ARID1B: variants seen among roughly 807,000 people sequenced by gnomAD.
ARID1B encodes the protein AT-rich interactive domain-containing protein 1B.
Under a neutral mutation model 212.3 loss-of-function variants are expected in ARID1B, and 30 were observed. The ratio of observed to expected loss-of-function variants is 0.14; its 90% CI spans 0.11 to 0.19. The LOEUF is 0.19. ARID1B is among the 10% of genes least tolerant of loss of function. The pLI is 1.00. For missense variants in ARID1B, 2,891 were observed against 3,204.0 expected (o/e 0.90, Z 2.36); for synonymous variants, 1,402 against 1,301.7 (o/e 1.08, Z -1.66).
At position 157,095,264 on chromosome 6, in the gene ARID1B, A is replaced by T. The variant is rs141264615; in HGVS notation, c.2491+10359A>T. Among the ~76,000 whole-genome samples the T allele has an allele frequency of 1.3e-3, 193 of 152,310 alleles. No homozygotes were observed. The Middle Eastern group carries it at 0.044, about 35-fold the overall frequency. Reference sequence around the variant, plus strand: ...AGGTCAGTGCTCCTCAGCACTCGCCACACAACATGCCTGGGAAAGGACCGG... The same window carrying T: ...AGGTCAGTGCTCCTCAGCACTCGCCTCACAACATGCCTGGGAAAGGACCGG... On this transcript the variant is annotated intron_variant, in intron 5 of 19. Transcript: ENST00000636930.
chr6:156,926,050 C>G (rs79149060), intron 3 of ARID1B, among the ~76,000 whole-genome samples: 2 of 152,298 alleles, frequency 1.3e-5, no homozygotes, highest in African/African-American at 4.8e-5. Context: ...CTCAAAGATT[C>G]AAGGTCCTTA....
intron 4 of ARID1B, among the ~76,000 whole-genome samples, chr6:156,981,754 T>C (rs1172443336): frequency 1.3e-5 from 2 of 152,294 alleles, no homozygotes; most frequent in East Asian, 1.9e-4. Flanking sequence ...ACTATACTTA[T>C]ACTGTAATAC....
intron 4 of ARID1B, among the ~76,000 whole-genome samples, chr6:156,995,140 C>G (rs1778513882): frequency 6.6e-6 from 1 of 152,200 alleles, no homozygotes; most frequent in Non-Finnish European, 1.5e-5. Flanking sequence ...GGGCTGTGCC[C>G]TCTTCTCCCG....
At chr6:157,184,144 A>T (rs1442088196) in intron 12 of ARID1B, 87 bp from the exon 13 acceptor site, 31 of 1,245,054 alleles carry the variant, frequency 2.5e-5, no homozygotes, top group Non-Finnish European at 3.4e-5. Flanking sequence ...AGAAAAGTCA[A>T]CCAAGACATT....
chr6:156,879,045 C>T (rs1382413400), intron 2 of ARID1B, among the ~76,000 whole-genome samples: 1 of 152,216 alleles, frequency 6.6e-6, no homozygotes, highest in Non-Finnish European at 1.5e-5. Context: ...GGAACTACAG[C>T]TTCTGACTCC....
At chr6:156,964,950 T>C (rs555563328) in intron 4 of ARID1B, among the ~76,000 whole-genome samples, 5 of 152,332 alleles carry the variant, frequency 3.3e-5, no homozygotes, top group African/African-American at 1.2e-4. Context: ...TGTGTTAATC[T>C]CAAAGCCGCA....
intron 4 of ARID1B, among the ~76,000 whole-genome samples, chr6:156,958,292 A>G (rs1490586274): frequency 6.6e-6 from 1 of 152,194 alleles, no homozygotes; most frequent in Non-Finnish European, 1.5e-5. Flanking sequence ...ACCCCCTTTA[A>G]AAAGAAAGAA....
At chr6:156,966,381 C>CTTTTCTTTTCTTTT (rs1794743618) in intron 4 of ARID1B, among the ~76,000 whole-genome samples, 1 of 89,436 alleles carries the variant, frequency 1.1e-5, no homozygotes, top group African/African-American at 3.8e-5. Flanking sequence ...CTTTTCTTTT[C>CTTTTCTTTTCTTTT]TTTTCTTTTT....
chr6:157,142,479 G>T (rs55668896), intron 7 of ARID1B, among the ~76,000 whole-genome samples: 6,509 of 151,974 alleles, frequency 0.043, 205 homozygotes, highest in Non-Finnish European at 0.068. Flanking sequence ...TACAAAAATT[G>T]CCCTAGCATG....
chr6:157,060,698 T>C (rs2128404510), intron 4 of ARID1B, among the ~76,000 whole-genome samples: 1 of 137,928 alleles, frequency 7.3e-6, no homozygotes, highest in South Asian at 2.5e-4. Context: ...AGCCCGACCA[T>C]GCTGTCTTGG....
chr6:157,063,174 A>G (rs1312877573), intron 4 of ARID1B, among the ~76,000 whole-genome samples: 6 of 151,764 alleles, frequency 4.0e-5, no homozygotes, highest in Non-Finnish European at 2.9e-5. Flanking sequence ...TCAAGTTCCA[A>G]GGGAGAGAGG....
At position 157,201,504 on chromosome 6, in the gene ARID1B, C is replaced by G. The variant is rs1338029912; in HGVS notation, c.5263+16C>G. 2 of 1,492,266 alleles carry G rather than the reference C, an allele frequency of 1.3e-6. No homozygotes were observed. Among genetic ancestry groups the G allele is most frequent in the Admixed American group, 2.4e-5 (1 of 41,272 alleles). The allele number at this position is 1,492,266 out of a possible 1,614,324, so 92.4% of individuals were successfully genotyped here. ...AAAGATATCGGTAAGAATTCCAAAG[C>G]TTTCATTCTGAAATGAATTCCAGTT... On this transcript the variant is annotated intron_variant, in intron 18 of 19. Transcript: ENST00000636930. The surrounding 1 kb of genome is among the most constrained non-coding windows in gnomAD (Gnocchi z 5.2).
Position 156,777,879 on chromosome 6 carries a change from G to T in ARID1B, c.199G>T (p.Gly67Cys). ...MLGGGGDGGG[G>C]LNSVHHHPLL... is the part of the protein sequence containing the mutation. ...GGGGGGCGGCGGCGACGGCGGCGGC[G>T]GCCTGAACAGTGTGCACCACCACCC... The change falls in exon 1 of 20, where the codon GGC becomes TGC. Residue 67 changes from glycine to cysteine, a missense_variant. Physicochemically the swap from Gly to Cys is radical, Grantham distance 159. Transcript: ENST00000636930. 7.0e-7 allele frequency: 1 copy of T among 1,431,618 alleles called. No homozygotes were observed. The highest frequency in any genetic ancestry group is 2.9e-5 in the Admixed American group (1 of 34,766). The allele number at this position is 1,431,618 out of a possible 1,614,324, so 88.7% of individuals were successfully genotyped here.
At chr6:156,905,366 G>A (rs1449871993) in intron 3 of ARID1B, among the ~76,000 whole-genome samples, 3 of 152,144 alleles carry the variant, frequency 2.0e-5, no homozygotes, top group Non-Finnish European at 4.4e-5. Context: ...GTGGTAAGCC[G>A]ATGGTCTGAT....
At chr6:157,035,916 T>C (rs1583188499) in intron 4 of ARID1B, among the ~76,000 whole-genome samples, 1 of 152,348 alleles carries the variant, frequency 6.6e-6, no homozygotes, top group Middle Eastern at 3.4e-3. Flanking sequence ...AAGGGAAGAA[T>C]ACAATTTTGT....
At chr6:156,989,820 G>A (rs1281874882) in intron 4 of ARID1B, among the ~76,000 whole-genome samples, 1 of 152,072 alleles carries the variant, frequency 6.6e-6, no homozygotes, top group Admixed American at 6.5e-5. Flanking sequence ...GGCAGTAGCA[G>A]TGGTAGATGT....
intron 12 of ARID1B, among the ~76,000 whole-genome samples, chr6:157,181,934 A>C (rs1411338551): frequency 2.0e-5 from 3 of 152,204 alleles, no homozygotes; most frequent in Non-Finnish European, 2.9e-5. Context: ...AGCATAGATG[A>C]GAAAACTCCT....
At chr6:157,020,274 G>A (rs758548002) in intron 4 of ARID1B, among the ~76,000 whole-genome samples, 3 of 152,008 alleles carry the variant, frequency 2.0e-5, no homozygotes, top group Non-Finnish European at 4.4e-5. Flanking sequence ...CTTTATTCTT[G>A]CTTTTTAACC....
intron 3 of ARID1B, among the ~76,000 whole-genome samples, chr6:156,928,965 T>C (rs928764934): frequency 6.6e-6 from 1 of 152,226 alleles, no homozygotes; most frequent in Non-Finnish European, 1.5e-5. Context: ...CAATCCCTTA[T>C]TATGTGATAG....
Sources: allele counts gnomAD v4.1 joint callset (sites outside exome capture counted in the v4.1 genomes callset), GRCh38; gene constraint gnomAD v4.1.1; non-coding constraint Gnocchi (gnomAD v3.1); transcripts MANE v1.5; gene names NCBI Gene and HGNC (gene_info 2026-07-23, HGNC 2026-07-21).